Variants in CRIM1 observed in about 807,000 individuals in gnomAD.
CRIM1 encodes the protein cysteine rich transmembrane BMP regulator 1.
A neutral mutation model predicts 116.4 loss-of-function variants in CRIM1; 32 were observed. The observed-to-expected ratio is 0.27, with a 90% confidence interval of 0.21 to 0.37. CRIM1 has a LOEUF of 0.37. Ranked by LOEUF, CRIM1 falls within the 10% of genes least tolerant of loss-of-function variation. CRIM1 has a pLI of 1.00. For missense variants in CRIM1, 1,331 were observed against 1,354.8 expected (o/e 0.98, Z 0.28); for synonymous variants, 590 against 509.2 (o/e 1.16, Z -2.13).
chr2:36,447,638 C>T (rs1676352097), intron 4 of CRIM1, among the ~76,000 whole-genome samples: 1 of 152,304 alleles, frequency 6.6e-6, no homozygotes, highest in Middle Eastern at 3.4e-3. Context: ...TTGGAAGTTA[C>T]AGAACACTTC....
chr2:36,449,923 TA>T (rs1319963597), intron 4 of CRIM1, among the ~76,000 whole-genome samples: 1 of 151,916 alleles, frequency 6.6e-6, no homozygotes, highest in African/African-American at 2.4e-5. Flanking sequence ...AATAAACTAC[TA>T]GAGTAATGAT....
chr2:36,446,681 CT>C (rs1395750090), intron 4 of CRIM1, among the ~76,000 whole-genome samples: 3 of 150,438 alleles, frequency 2.0e-5, no homozygotes, highest in Non-Finnish European at 4.4e-5. Context: ...CCCGCCGTTT[CT>C]TTTTATCCTT....
At chr2:36,416,766 A>G (rs984433199) in intron 2 of CRIM1, among the ~76,000 whole-genome samples, 4 of 152,214 alleles carry the variant, frequency 2.6e-5, no homozygotes, top group African/African-American at 9.6e-5. Context: ...AAAGACAGAA[A>G]TTATTAGCCA....
intron 1 of CRIM1, among the ~76,000 whole-genome samples, chr2:36,389,856 C>G (rs557586601): frequency 3.9e-5 from 6 of 152,262 alleles, no homozygotes; most frequent in Non-Finnish European, 8.8e-5. Flanking sequence ...CAGGACCACT[C>G]AGGCTAGTGT....
At chr2:36,371,315 T>C (rs1669929128) in intron 1 of CRIM1, among the ~76,000 whole-genome samples, 1 of 152,168 alleles carries the variant, frequency 6.6e-6, no homozygotes, top group South Asian at 2.1e-4. Context: ...TATAGCACTT[T>C]TCATACTGTG....
chr2:36,371,866 A>G (rs1032919184), intron 1 of CRIM1, among the ~76,000 whole-genome samples: 9 of 152,226 alleles, frequency 5.9e-5, no homozygotes, highest in African/African-American at 2.2e-4. Context: ...CTGCTTGTAA[A>G]CAATAACTGA....
At chr2:36,443,240 T>C (rs958952429) in intron 4 of CRIM1, among the ~76,000 whole-genome samples, 1 of 152,188 alleles carries the variant, frequency 6.6e-6, no homozygotes, top group African/African-American at 2.4e-5. Context: ...CACATCTCTC[T>C]TTGGCTTGAC....
At chr2:36,398,412 C>T (rs956914982) in intron 2 of CRIM1, among the ~76,000 whole-genome samples, 6 of 152,230 alleles carry the variant, frequency 3.9e-5, no homozygotes, top group South Asian at 4.2e-4. Context: ...CCCAGTGTCT[C>T]GTCACATAAA....
chr2:36,517,615 C>T, intron 12 of CRIM1, 73 bp downstream of exon 12: 7 of 1,475,412 alleles, frequency 4.7e-6, no homozygotes, highest in East Asian at 2.3e-5. Flanking sequence ...TCTGTGGGAC[C>T]CACAGGGCAG....
Position 36,537,516 on chromosome 2 carries a change from G to T in CRIM1, c.2593G>T (p.Val865Leu). ...TCTGCCCTGTGTTGAGCCCATCAAC[G>T]TGGAAGGAAGTTGCTGCCCAATGTG... ...PPLPCVEPIN[V>L]EGSCCPMCPE... The change falls in exon 14 of 17, where the codon GTG (valine) becomes TTG (leucine). Residue 865 changes from valine to leucine, a missense_variant. By Grantham distance (32) the Val-to-Leu change is conservative. Around this residue, in one of 3 missense-constraint regions of CRIM1, gnomAD observed 283 missense variants for 242.8 expected, o/e 1.17. Transcript: ENST00000280527. 1 of 1,612,906 alleles carries T rather than the reference G, an allele frequency of 6.2e-7. No individual in the cohort carries two copies. The highest frequency in any genetic ancestry group is 8.5e-7 in the Non-Finnish European group (1 of 1,179,572).
In CRIM1 at chr2:36,503,742, T is replaced by C. The variant is rs546611143; in HGVS notation, c.1501+4395T>C. Among the ~76,000 whole-genome samples the C allele has an allele frequency of 3.3e-5, 5 of 152,364 alleles. No homozygotes were observed. In the South Asian group the frequency reaches 1.0e-3, roughly 32 times the overall value. On this transcript the variant is annotated intron_variant, in intron 8 of 16. Transcript: ENST00000280527. ...TTTTTTCTATTGCAGCTGCTTTATA[T>C]AGGTATTTATTTTGTCCCAAATTCA...
chr2:36,517,969 A>AAT (rs1424242343), intron 12 of CRIM1, among the ~76,000 whole-genome samples: 1 of 152,242 alleles, frequency 6.6e-6, no homozygotes, highest in Non-Finnish European at 1.5e-5. Context: ...AATTCTTTGA[A>AAT]ATATAAGGGT....
rs1364652803 is a variant in CRIM1 at position 36,506,905 on chromosome 2, TG to T, written c.1502-3076del. Among the ~76,000 whole-genome samples, 5 of 152,246 alleles carry T rather than the reference TG, an allele frequency of 3.3e-5. No individual in the cohort carries two copies. In the South Asian group the frequency reaches 6.2e-4, roughly 19 times the overall value. On this transcript the variant is annotated intron_variant, in intron 8 of 16. Coordinates refer to ENST00000280527, the MANE Select transcript of CRIM1 (RefSeq NM_016441.3). The stretch of plus-strand genomic sequence containing the variant: ...CAGGTTCTCACCCTGTCACCCAGGC[TG>T]GTGTGCAGTGGTGCAGTCACAGCTC...
At chr2:36,528,597 C>A (rs1393760199) in intron 13 of CRIM1, among the ~76,000 whole-genome samples, 1 of 152,148 alleles carries the variant, frequency 6.6e-6, no homozygotes, top group Admixed American at 6.5e-5. Flanking sequence ...CAGGGCGCAC[C>A]CTCATAGGGA....
At chr2:36,409,170 A>T (rs1225948063) in intron 2 of CRIM1, among the ~76,000 whole-genome samples, 2 of 152,214 alleles carry the variant, frequency 1.3e-5, no homozygotes, top group Non-Finnish European at 2.9e-5. Context: ...AGGTTAATAG[A>T]GCTAACCTTA....
intron 12 of CRIM1, among the ~76,000 whole-genome samples, chr2:36,520,405 T>G (rs1018488786): frequency 6.6e-6 from 1 of 152,254 alleles, no homozygotes; most frequent in Non-Finnish European, 1.5e-5. Context: ...GTGTTGTCCT[T>G]ATTTCTAGCC....
At chr2:36,523,466 T>A (rs1249176027) in intron 13 of CRIM1, among the ~76,000 whole-genome samples, 1 of 152,200 alleles carries the variant, frequency 6.6e-6, no homozygotes, top group Non-Finnish European at 1.5e-5. Context: ...CCTATGGACA[T>A]AAGCCAGATG....
chr2:36,531,636 T>C (rs1459449329), intron 13 of CRIM1, among the ~76,000 whole-genome samples: 1 of 152,216 alleles, frequency 6.6e-6, no homozygotes, highest in African/African-American at 2.4e-5. Context: ...CTTCTTTTCT[T>C]ATCTTGAAAA....
At chr2:36,412,534 A>G (rs928621316) in intron 2 of CRIM1, among the ~76,000 whole-genome samples, 2 of 152,332 alleles carry the variant, frequency 1.3e-5, no homozygotes, top group Middle Eastern at 3.4e-3. Context: ...TTTTTAAATC[A>G]TATACTGACT....
Sources: gnomAD v4.1 joint callset for allele counts (sites outside exome capture counted in the v4.1 genomes callset) on GRCh38, gnomAD v4.1.1 for gene constraint, gnomAD v4.1.1 regional missense constraint, MANE v1.5 for transcripts, NCBI Gene and HGNC (gene_info 2026-07-23, HGNC 2026-07-21) for gene names.